Variants in GRIK1 observed in about 807,000 individuals in gnomAD.
The protein encoded by GRIK1 is glutamate ionotropic receptor kainate type subunit 1, also known as glutamate receptor ionotropic, kainate 1.
GRIK1 carries 69 observed loss-of-function variants against 105.7 expected under a neutral mutation model. That is an observed-to-expected ratio of 0.65 (90% CI 0.54 to 0.80). The LOEUF (loss-of-function observed/expected upper bound fraction) is 0.80. GRIK1 is among the 30% of genes least tolerant of loss of function. The pLI is 0.00. For synonymous variants in GRIK1, 438 were observed against 431.3 expected (o/e 1.02, Z -0.19); for missense variants, 1,109 against 1,167.3 (o/e 0.95, Z 0.73).
intron 1 of GRIK1, among the ~76,000 whole-genome samples, chr21:29,935,477 A>G (rs1359123520): frequency 6.6e-6 from 1 of 152,220 alleles, no homozygotes; most frequent in East Asian, 1.9e-4. Flanking sequence ...GCCTAAAAAT[A>G]AAGTCATGGG....
chr21:29,848,779 A>ATATATATTTTTTTTTT, intron 1 of GRIK1, among the ~76,000 whole-genome samples: 3 of 77,884 alleles, frequency 3.9e-5, no homozygotes, highest in Admixed American at 1.7e-4. Flanking sequence ...ATATATATAT[A>ATATATATTTTTTTTTT]TTTTTTTTTT....
intron 1 of GRIK1, among the ~76,000 whole-genome samples, chr21:29,739,678 A>C (rs922981512): frequency 6.6e-6 from 1 of 152,220 alleles, no homozygotes; most frequent in Non-Finnish European, 1.5e-5. Context: ...ATATGTAAAC[A>C]AATTTTATAG....
intron 1 of GRIK1, among the ~76,000 whole-genome samples, chr21:29,766,116 T>A (rs1015191512): frequency 6.6e-6 from 1 of 152,142 alleles, no homozygotes; most frequent in Non-Finnish European, 1.5e-5. Context: ...CCAAAAGTGC[T>A]GGGATTACAG....
intron 1 of GRIK1, among the ~76,000 whole-genome samples, chr21:29,745,662 G>A (rs1264765923): frequency 6.6e-6 from 1 of 152,142 alleles, no homozygotes; most frequent in Non-Finnish European, 1.5e-5. Context: ...AACTTGTTCT[G>A]ACTTTAATTC....
chr21:29,634,613 A>G (rs910324075), intron 7 of GRIK1, among the ~76,000 whole-genome samples: 1 of 119,398 alleles, frequency 8.4e-6, no homozygotes, highest in Non-Finnish European at 1.7e-5. Context: ...TCCCACAGAA[A>G]GATCTTACGG....
At position 29,558,941 on chromosome 21, in the gene GRIK1, T is replaced by G. The variant is rs114178477; in HGVS notation, c.2356+2683A>C. ...TCCATGCTGTAGAAGGAATGTCAAT[T>G]AAAAGTCTCATGTTAAAGTTCAAAC... On this transcript the variant is annotated intron_variant, in intron 15 of 17. Coordinates refer to ENST00000327783, the MANE Select transcript of GRIK1 (RefSeq NM_001330994.2). 8.4e-3 allele frequency among the ~76,000 whole-genome samples: 1,279 copies of G among 152,226 alleles called. 23 individuals carry two copies. Among genetic ancestry groups the G allele is most frequent in the African/African-American group, 0.029 (1,209 of 41,538 alleles).
intron 7 of GRIK1, among the ~76,000 whole-genome samples, chr21:29,618,827 C>T (rs1336569572): frequency 6.6e-6 from 1 of 151,960 alleles, no homozygotes; most frequent in Non-Finnish European, 1.5e-5. Context: ...ATATGCAAAG[C>T]CATAAGAATG....
chr21:29,619,011 A>G (rs955412708), intron 7 of GRIK1, among the ~76,000 whole-genome samples: 6 of 151,658 alleles, frequency 4.0e-5, no homozygotes, highest in Middle Eastern at 6.8e-3. Context: ...TTGTAGTCCC[A>G]GCTACTCGGG....
At chr21:29,600,201 A>T (rs553868816) in intron 7 of GRIK1, among the ~76,000 whole-genome samples, 1 of 152,330 alleles carries the variant, frequency 6.6e-6, no homozygotes, top group Admixed American at 6.5e-5. Flanking sequence ...AAAAATCCTT[A>T]ATCACCTATG....
rs148684189 is a variant in GRIK1 at position 29,749,662 on chromosome 21, C to T, written c.119-55599G>A. Reference sequence around the variant, plus strand: ...TGTGAATTCATGTGCAGCATTTGACCGAGGATTATTTCTACTTTTTAAAAG... The same window carrying T: ...TGTGAATTCATGTGCAGCATTTGACTGAGGATTATTTCTACTTTTTAAAAG... On this transcript the variant is annotated intron_variant, in intron 1 of 17. Transcript: ENST00000327783. 2.0e-3 allele frequency among the ~76,000 whole-genome samples: 309 copies of T among 152,212 alleles called. 2 individuals carry two copies. The highest frequency in any genetic ancestry group is 7.1e-3 in the African/African-American group (294 of 41,548).
rs141527837 is a variant in GRIK1, at chr21:29,838,899, A to C, written c.118+100484T>G. 8.2e-3 allele frequency among the ~76,000 whole-genome samples: 1,252 copies of C among 152,286 alleles called. 17 individuals are homozygous for C. Among genetic ancestry groups the C allele is most frequent in the African/African-American group, 0.029 (1,206 of 41,550 alleles). On this transcript the variant is annotated intron_variant, in intron 1 of 17. Coordinates refer to ENST00000327783, the MANE Select transcript of GRIK1 (RefSeq NM_001330994.2). ...ACAGAAATTTATTTGGTGGTGCTTA[A>C]ATTGTATGAAGGAATCTGACATACC...
intron 1 of GRIK1, among the ~76,000 whole-genome samples, chr21:29,695,055 G>C (rs1164476610): frequency 6.6e-6 from 1 of 151,892 alleles, no homozygotes; most frequent in East Asian, 1.9e-4. Context: ...GAAGAAATAT[G>C]TCCCTTCACT....
intron 3 of GRIK1, among the ~76,000 whole-genome samples, chr21:29,687,182 A>G (rs762469496): frequency 1.3e-5 from 2 of 152,182 alleles, no homozygotes; most frequent in African/African-American, 2.4e-5. Context: ...AATGGGAGTA[A>G]TGGGCCATTT....
chr21:29,619,105 A>G lies in GRIK1; in HGVS notation c.1099-20168T>C, dbSNP rs574801887. ...TGTGCCACTGCACTCCAGCCTGGGC[A>G]ACAGAGCGAGACTCCGTCAAAAAAA... On this transcript the variant is annotated intron_variant, in intron 7 of 17. Coordinates refer to ENST00000327783, the MANE Select transcript of GRIK1 (RefSeq NM_001330994.2). 1.3e-3 allele frequency among the ~76,000 whole-genome samples: 156 copies of G among 115,716 alleles called. 1 individual carries two copies. The highest frequency in any genetic ancestry group is 2.1e-3 in the Non-Finnish European group (116 of 55,840). 75.9% of individuals were successfully genotyped at this position (115,716 alleles called of 152,430 possible).
In GRIK1 at chr21:29,735,638, T is replaced by A. The variant is rs2064770187; in HGVS notation, c.119-41575A>T. On this transcript the variant is annotated intron_variant, in intron 1 of 17. Transcript: ENST00000327783. The stretch of plus-strand genomic sequence containing the variant: ...TCGGCTGGGCACGGTTGCTCAGGAC[T>A]GTAATCCCAGCACTTTGGGAGGTCG... Among the ~76,000 whole-genome samples, 4 of 152,122 alleles carry A rather than the reference T, an allele frequency of 2.6e-5. No homozygotes were observed. The South Asian group carries it at 8.3e-4, about 32-fold the overall frequency.
At chr21:29,826,982 CAAAAACACATT>C (rs1418974898) in intron 1 of GRIK1, among the ~76,000 whole-genome samples, 2 of 152,026 alleles carry the variant, frequency 1.3e-5, no homozygotes, top group African/African-American at 4.8e-5. Flanking sequence ...GCGTTTATTT[CAAAAACACATT>C]AAGTAGTCTT....
intron 1 of GRIK1, among the ~76,000 whole-genome samples, chr21:29,715,657 C>G (rs140258133): frequency 0.016 from 2,422 of 149,236 alleles, 28 homozygotes; most frequent in Middle Eastern, 0.044. Context: ...ACAGAGTAGC[C>G]TTCTCATCAA....
chr21:29,839,187 C>A (rs967778408), intron 1 of GRIK1, among the ~76,000 whole-genome samples: 2 of 152,014 alleles, frequency 1.3e-5, no homozygotes, highest in Non-Finnish European at 2.9e-5. Context: ...GTAGCTGGGA[C>A]TACAAGCACA....
intron 9 of GRIK1, among the ~76,000 whole-genome samples, chr21:29,594,807 G>A (rs117381559): frequency 0.026 from 3,943 of 152,218 alleles, 69 homozygotes; most frequent in Non-Finnish European, 0.039. Context: ...AGGTATATGT[G>A]TTTCCTGTAT....
Sources: gnomAD v4.1 joint callset for allele counts (sites outside exome capture counted in the v4.1 genomes callset) on GRCh38, gnomAD v4.1.1 for gene constraint, MANE v1.5 for transcripts, NCBI Gene and HGNC (gene_info 2026-07-23, HGNC 2026-07-21) for gene names.